Variants in XKR6 observed in about 807,000 individuals in gnomAD.
XKR6 encodes XK related 6, also known as XK-related protein 6.
XKR6 carries 22 observed loss-of-function variants against 56.7 expected under a neutral mutation model. The observed-to-expected ratio is 0.39, with a 90% confidence interval of 0.28 to 0.55. The LOEUF (loss-of-function observed/expected upper bound fraction) is 0.55, where lower values mean the gene tolerates loss of function less well. Among genes scored for constraint, XKR6 ranks in the 20% least tolerant of loss-of-function variants. The pLI is 0.66. For synonymous variants in XKR6, 524 were observed against 387.8 expected, an observed-to-expected ratio of 1.35 and a Z score of -4.13; for missense variants, 852 against 889.0, an observed-to-expected ratio of 0.96 and a Z score of 0.53.
intron 2 of XKR6, among the ~76,000 whole-genome samples, chr8:10,919,707 C>T (rs1466730925): frequency 6.6e-6 from 1 of 152,222 alleles, no homozygotes. Context: ...GCATGCAGCC[C>T]TGTCTGACTT....
At chr8:11,161,222 A>C (rs1263740365) in intron 1 of XKR6, among the ~76,000 whole-genome samples, 1 of 152,116 alleles carries the variant, frequency 6.6e-6, no homozygotes, top group Non-Finnish European at 1.5e-5. Context: ...GCTTCCGAGT[A>C]TCTCCCTCCC....
chr8:11,177,172 G>A (rs1325237158), intron 1 of XKR6, among the ~76,000 whole-genome samples: 8 of 152,188 alleles, frequency 5.3e-5, no homozygotes, highest in Non-Finnish European at 1.2e-4. Context: ...ACTTCTACGG[G>A]CTTTGGCACG....
Position 11,124,078 on chromosome 8 carries a change from A to G in XKR6, c.764+76498T>C, listed in dbSNP as rs114399739. On this transcript the variant is annotated intron_variant, in intron 1 of 2. Transcript: ENST00000416569. The stretch of plus-strand genomic sequence containing the variant: ...GCTTGAGCTCTCTCTCTCTAGCACG[A>G]TTTCCTACTAACATACTATATTTTT... The G allele has an allele frequency of 2.7e-3, 1,214 of 449,990 alleles. 12 individuals carry two copies. Among genetic ancestry groups the G allele is most frequent in the African/African-American group, 0.022 (1,105 of 49,922 alleles). 27.9% of individuals were successfully genotyped at this position (449,990 alleles called of 1,614,324 possible).
chr8:11,034,726 A>T, intron 1 of XKR6, among the ~76,000 whole-genome samples: 1 of 152,130 alleles, frequency 6.6e-6, no homozygotes, highest in East Asian at 1.9e-4. Flanking sequence ...AGGCCTGTCC[A>T]TTCTCTTACC....
chr8:11,099,991 G>T (rs1798408787), intron 1 of XKR6, among the ~76,000 whole-genome samples: 1 of 152,178 alleles, frequency 6.6e-6, no homozygotes, highest in Non-Finnish European at 1.5e-5. Context: ...CACCCTAGCG[G>T]GTTGGGCGCT....
At chr8:11,006,788 A>G (rs970530367) in intron 1 of XKR6, among the ~76,000 whole-genome samples, 8 of 152,210 alleles carry the variant, frequency 5.3e-5, no homozygotes, top group African/African-American at 1.9e-4. Flanking sequence ...CTAGCTGGAT[A>G]TGGAGTTCCC....
chr8:11,160,920 A>T (rs1214211531), intron 1 of XKR6, among the ~76,000 whole-genome samples: 1 of 151,184 alleles, frequency 6.6e-6, no homozygotes, highest in East Asian at 1.9e-4. Context: ...TCAAAAAAAA[A>T]AAAAAAAAAA....
chr8:11,200,425 G>A lies in XKR6; in HGVS notation c.764+151C>T. ...TGGCCAGGGATCCAGATCAAACGCC[G>A]GTCTTTTGGAGACGCCAGGGGCGGC... is the stretch of plus-strand genomic sequence containing the variant. On this transcript the variant is annotated intron_variant, in intron 1 of 2. Coordinates refer to ENST00000416569, the MANE Select transcript of XKR6 (RefSeq NM_173683.4). This position sits in a 1 kb window ranked among gnomAD's most constrained non-coding sequence, Gnocchi z 6.4. 1 of 1,087,652 alleles carries A rather than the reference G, an allele frequency of 9.2e-7. No homozygotes were observed. The highest frequency in any genetic ancestry group is 1.2e-6 in the Non-Finnish European group (1 of 830,030). 67.4% of individuals were successfully genotyped at this position (1,087,652 alleles called of 1,614,324 possible). A position where few individuals can be genotyped will look rare whatever the true frequency, so the allele number is the denominator to read the frequency against.
chr8:11,145,306 AAGG>A (rs1800926784), intron 1 of XKR6, among the ~76,000 whole-genome samples: 1 of 152,200 alleles, frequency 6.6e-6, no homozygotes, highest in African/African-American at 2.4e-5. Flanking sequence ...TGTTTCAGAT[AAGG>A]AGGACTCAGT....
At chr8:11,125,392 G>C (rs1799724663) in intron 1 of XKR6, among the ~76,000 whole-genome samples, 1 of 152,176 alleles carries the variant, frequency 6.6e-6, no homozygotes, top group African/African-American at 2.4e-5. Flanking sequence ...ATTGATTTTA[G>C]GCAAAGGGGA....
At chr8:11,149,567 A>C (rs1479849953) in intron 1 of XKR6, among the ~76,000 whole-genome samples, 1 of 152,156 alleles carries the variant, frequency 6.6e-6, no homozygotes, top group African/African-American at 2.4e-5. Context: ...AAAAATATTA[A>C]AAGCTAATGA....
chr8:11,053,177 T>G (rs966693236), intron 1 of XKR6, among the ~76,000 whole-genome samples: 1 of 152,228 alleles, frequency 6.6e-6, no homozygotes, highest in Admixed American at 6.5e-5. Flanking sequence ...TAGGCTGCCA[T>G]GTGCCATTGT....
rs752812563 is a variant in XKR6, at chr8:11,200,970, G to T, written c.370C>A (p.Arg124=). The T allele has an allele frequency of 1.4e-4, 214 of 1,510,776 alleles. No individual in the cohort carries two copies. Among genetic ancestry groups the T allele is most frequent in the Middle Eastern group, 1.0e-3 (6 of 5,762 alleles). The allele number at this position is 1,510,776 out of a possible 1,614,324, so 93.6% of individuals were successfully genotyped here. A position where few individuals can be genotyped will look rare whatever the true frequency, so the allele number is the denominator to read the frequency against. Residue 124 remains arginine (R), a synonymous_variant, in exon 1 of 3, where the codon CGG becomes AGG. Coordinates refer to ENST00000416569, the MANE Select transcript of XKR6 (RefSeq NM_173683.4). This position sits in a 1 kb window ranked among gnomAD's most constrained non-coding sequence, Gnocchi z 6.4. ...ATCCACAGGCAGTCGAGCCACGGCC[G>T]CTCCACCTGCGGCGGCGGCGGCTCC... The part of the protein sequence containing the change: ...RPEPPPPQVE[R]PWLDCLWIVL...
At chr8:11,007,277 T>C (rs1798391714) in intron 1 of XKR6, among the ~76,000 whole-genome samples, 1 of 152,216 alleles carries the variant, frequency 6.6e-6, no homozygotes, top group African/African-American at 2.4e-5. Context: ...TGTCTTGTCA[T>C]GTATGATAGT....
At chr8:10,913,467 C>G (rs144519969) in intron 2 of XKR6, among the ~76,000 whole-genome samples, 1 of 152,138 alleles carries the variant, frequency 6.6e-6, no homozygotes, top group South Asian at 2.1e-4. Flanking sequence ...GGTGAAAGCA[C>G]TTCACTCAGC....
At chr8:11,157,434 C>CT (rs1261519550) in intron 1 of XKR6, among the ~76,000 whole-genome samples, 1 of 152,118 alleles carries the variant, frequency 6.6e-6, no homozygotes, top group Non-Finnish European at 1.5e-5. Flanking sequence ...TCTGTGCTAT[C>CT]TTTAAGCTTT....
In XKR6 at chr8:11,182,436, G is replaced by A. The variant is rs139149706; in HGVS notation, c.764+18140C>T. 2.7e-4 allele frequency among the ~76,000 whole-genome samples: 41 copies of A among 152,346 alleles called. No homozygotes were observed. In the East Asian group the frequency reaches 4.2e-3, roughly 16 times the overall value. The stretch of plus-strand genomic sequence containing the variant: ...TACCTGGTCATGGTCATACTGTGCT[G>A]TAGAAGTGCAAGTAATCAGTTTTAA... On this transcript the variant is annotated intron_variant, in intron 1 of 2. Coordinates refer to ENST00000416569, the MANE Select transcript of XKR6 (RefSeq NM_173683.4).
chr8:11,001,052 A>T (rs936929028), intron 1 of XKR6, among the ~76,000 whole-genome samples: 1 of 152,248 alleles, frequency 6.6e-6, no homozygotes, highest in South Asian at 2.1e-4. Flanking sequence ...CTCTGGATTT[A>T]GGAGCGAAAA....
chr8:10,957,230 C>G (rs941199312), intron 1 of XKR6, among the ~76,000 whole-genome samples: 1 of 152,196 alleles, frequency 6.6e-6, no homozygotes, highest in African/African-American at 2.4e-5. Context: ...GGATTCCAGG[C>G]AGGAGCCACC....
Sources: allele counts gnomAD v4.1 joint callset (sites outside exome capture counted in the v4.1 genomes callset), GRCh38; gene constraint gnomAD v4.1.1; non-coding constraint Gnocchi (gnomAD v3.1); transcripts MANE v1.5; gene names NCBI Gene and HGNC (gene_info 2026-07-23, HGNC 2026-07-21).